Variants in NBAS observed in about 807,000 individuals in gnomAD.
NBAS encodes NAG/BC035112 fusion.
A neutral mutation model predicts 302.5 loss-of-function variants in NBAS; 219 were observed. That is an observed-to-expected ratio of 0.72 (90% CI 0.65 to 0.81). The LOEUF (loss-of-function observed/expected upper bound fraction) is 0.81, where lower values mean the gene tolerates loss of function less well. NBAS is among the 30% of genes least tolerant of loss of function. The pLI is 0.00. For synonymous variants in NBAS, 1,118 were observed against 1,021.6 expected (o/e 1.09, Z -1.80); for missense variants, 2,932 against 2,841.6 (o/e 1.03, Z -0.72).
the NBAS span, among the ~76,000 whole-genome samples, chr2:14,922,826 C>T: frequency 8.0e-3 from 1,215 of 152,224 alleles, 19 homozygotes; most frequent in African/African-American, 0.028. Flanking sequence ...CCAAGTTGGC[C>T]GCCATTTTAC....
the NBAS span, among the ~76,000 whole-genome samples, chr2:14,952,557 A>G: frequency 6.6e-6 from 1 of 152,298 alleles, no homozygotes; most frequent in East Asian, 1.9e-4. Context: ...GCTACCTGAC[A>G]TGCTCCTGAC....
chr2:15,131,315 CTA>C, the NBAS span, among the ~76,000 whole-genome samples: 2 of 152,154 alleles, frequency 1.3e-5, no homozygotes, highest in Non-Finnish European at 2.9e-5. Context: ...GAGAACGAGA[CTA>C]TATTGCTTTT....
chr2:15,068,320 C>T, the NBAS span, among the ~76,000 whole-genome samples: 1 of 152,130 alleles, frequency 6.6e-6, no homozygotes, highest in Non-Finnish European at 1.5e-5. Flanking sequence ...TTCATCGATG[C>T]CGAATTCAGT....
At chr2:14,915,386 T>C in the NBAS span, among the ~76,000 whole-genome samples, 3 of 152,296 alleles carry the variant, frequency 2.0e-5, no homozygotes, top group East Asian at 1.9e-4. Context: ...CTGCGTGACC[T>C]GGCACAAGTT....
At chr2:15,430,556 T>C (rs376393580) in intron 21 of NBAS, among the ~76,000 whole-genome samples, 2 of 152,224 alleles carry the variant, frequency 1.3e-5, no homozygotes, top group Non-Finnish European at 2.9e-5. Context: ...GTAGATATTA[T>C]CTTCCTCATA....
chr2:14,780,488 T>A, the NBAS span, among the ~76,000 whole-genome samples: 1 of 152,228 alleles, frequency 6.6e-6, no homozygotes, highest in South Asian at 2.1e-4. Context: ...AGGATGGCAC[T>A]GCCAGATGCA....
chr2:15,167,797 G>GTGA (rs1664102245), intron 51 of NBAS, among the ~76,000 whole-genome samples: 1 of 152,134 alleles, frequency 6.6e-6, no homozygotes, highest in Non-Finnish European at 1.5e-5. Context: ...TACTTTCACT[G>GTGA]TGATCCACAT....
chr2:14,909,854 G>A, the NBAS span, among the ~76,000 whole-genome samples: 1 of 152,212 alleles, frequency 6.6e-6, no homozygotes, highest in African/African-American at 2.4e-5. Flanking sequence ...TGTGGGGACA[G>A]CCCAGTTGAG....
intron 38 of NBAS, among the ~76,000 whole-genome samples, chr2:15,314,337 G>A (rs1269461280): frequency 3.3e-5 from 5 of 152,046 alleles, no homozygotes; most frequent in Non-Finnish European, 7.4e-5. Context: ...CTCCAGCCTG[G>A]GCAACAGAGA....
chr2:14,958,962 G>T, the NBAS span, among the ~76,000 whole-genome samples: 1 of 152,210 alleles, frequency 6.6e-6, no homozygotes, highest in African/African-American at 2.4e-5. Context: ...AAAGGAGGAA[G>T]GGTGGAGTAA....
At position 15,534,644 on chromosome 2, in the gene NBAS, A is replaced by C. The variant is rs1663395734; in HGVS notation, c.648-3T>G. On this transcript the variant is annotated splice_region_variant and splice_polypyrimidine_tract_variant and intron_variant, in intron 8 of 51. Coordinates refer to ENST00000281513, the MANE Select transcript of NBAS (RefSeq NM_015909.4). ...GGTAGCTCTGATTTGTTCCAACACT[A>C]AATTTAAGAGGGTATGAAAGAAGTA... 1 of 1,604,546 alleles carries C rather than the reference A, an allele frequency of 6.2e-7. No homozygotes were observed. Among genetic ancestry groups the C allele is most frequent in the Admixed American group, 1.7e-5 (1 of 59,996 alleles).
At position 15,324,901 on chromosome 2, in the gene NBAS, C is replaced by T. The variant is rs527829723; in HGVS notation, c.4582+2849G>A. Among the ~76,000 whole-genome samples, 9 of 152,286 alleles carry T rather than the reference C, an allele frequency of 5.9e-5. No individual in the cohort carries two copies. The East Asian group carries it at 1.7e-3, about 29-fold the overall frequency. ...CTCATCATTTAGTTATCAACTACAA[C>T]AAAGATGGCTGAGCACTGTAAGGAT... On this transcript the variant is annotated intron_variant, in intron 38 of 51. Coordinates refer to ENST00000281513, the MANE Select transcript of NBAS (RefSeq NM_015909.4).
chr2:15,360,330 T>TAAAAAAAAA (rs551926742), intron 32 of NBAS, among the ~76,000 whole-genome samples: 2 of 92,992 alleles, frequency 2.2e-5, no homozygotes, highest in Admixed American at 1.1e-4. Flanking sequence ...TACCATAACT[T>TAAAAAAAAA]AAAAAAAAAA....
intron 9 of NBAS, among the ~76,000 whole-genome samples, chr2:15,515,920 A>C (rs1308907928): frequency 1.3e-5 from 2 of 152,308 alleles, no homozygotes; most frequent in Admixed American, 1.3e-4. Flanking sequence ...AAAGAGACCC[A>C]TCTTCTTACT....
the NBAS span, among the ~76,000 whole-genome samples, chr2:14,788,935 G>A: frequency 6.6e-6 from 1 of 152,244 alleles, no homozygotes; most frequent in Non-Finnish European, 1.5e-5. Flanking sequence ...GCCCCCAGAG[G>A]TGGAGCCTAC....
At chr2:15,437,423 T>G (rs529661645) in intron 21 of NBAS, among the ~76,000 whole-genome samples, 1 of 152,282 alleles carries the variant, frequency 6.6e-6, no homozygotes, top group South Asian at 2.1e-4. Flanking sequence ...TATGTGAGCC[T>G]TTTACAATCA....
intron 21 of NBAS, among the ~76,000 whole-genome samples, chr2:15,459,496 A>ATTTTTCCTT (rs1553317824): frequency 6.8e-5 from 5 of 73,412 alleles, no homozygotes; most frequent in African/African-American, 2.4e-4. Flanking sequence ...CATCCTGAGC[A>ATTTTTCCTT]TTTTTTCTTT....
At chr2:15,213,194 A>G (rs1464941116) in intron 48 of NBAS, among the ~76,000 whole-genome samples, 1 of 152,142 alleles carries the variant, frequency 6.6e-6, no homozygotes, top group Non-Finnish European at 1.5e-5. Flanking sequence ...AAGTCCAAAC[A>G]TTTTACTATC....
chr2:14,949,821 T>A, the NBAS span, among the ~76,000 whole-genome samples: 1 of 152,130 alleles, frequency 6.6e-6, no homozygotes, highest in Non-Finnish European at 1.5e-5. Context: ...ATGTTCTCAC[T>A]CATATGTAAA....
Sources: gnomAD v4.1 joint callset for allele counts (sites outside exome capture counted in the v4.1 genomes callset) on GRCh38, gnomAD v4.1.1 for gene constraint, MANE v1.5 for transcripts, NCBI Gene and HGNC (gene_info 2026-07-23, HGNC 2026-07-21) for gene names.